Variants in QSOX1 observed in about 807,000 individuals in gnomAD.
QSOX1 encodes quiescin sulfhydryl oxidase 1.
QSOX1 carries 40 observed loss-of-function variants against 76.1 expected under a neutral mutation model. That is an observed-to-expected ratio of 0.53 (90% CI 0.41 to 0.68). The LOEUF is 0.68. Ranked by LOEUF, QSOX1 falls within the 30% of genes least tolerant of loss-of-function variation. The pLI is 0.00. For missense variants in QSOX1, 931 were observed against 974.3 expected (o/e 0.96, Z 0.59); for synonymous variants, 392 against 413.1 (o/e 0.95, Z 0.62).
intron 7 of QSOX1, among the ~76,000 whole-genome samples, chr1:180,184,756 C>T (rs1055075631): frequency 6.6e-6 from 1 of 152,142 alleles, no homozygotes; most frequent in African/African-American, 2.4e-5. Context: ...GTGCCCCTCA[C>T]AAGGGGATGC....
At chr1:180,189,531 T>G in intron 8 of QSOX1, 21 bp from the exon 9 acceptor site, 1 of 1,519,904 alleles carries the variant, frequency 6.6e-7, no homozygotes, top group Non-Finnish European at 8.9e-7. Context: ...CTCTCCAGCT[T>G]CCGCTTGTTC....
At chr1:180,187,642 G>GTCCCTGAGCTGGGCAGAGGCA (rs1370596668) in intron 8 of QSOX1, among the ~76,000 whole-genome samples, 1 of 152,250 alleles carries the variant, frequency 6.6e-6, no homozygotes, top group Non-Finnish European at 1.5e-5. Flanking sequence ...ATACAGAAAA[G>GTCCCTGAGCTGGGCAGAGGCA]TCCCTGAGCT....
rs1337249512 is a variant in QSOX1, at chr1:180,203,107, A to T, written c.*6070A>T. ...AAAATAAAAATAAAAAAATAAAGTA[A>T]AGCTACATATTTAAAAGCTGGGGAA... On this transcript the variant is annotated 3_prime_UTR_variant, in exon 12 of 12. Coordinates refer to ENST00000367602, the MANE Select transcript of QSOX1 (RefSeq NM_002826.5). 6.6e-6 allele frequency: 1 copy of T among 152,166 alleles called. No homozygotes were observed. Among genetic ancestry groups the T allele is most frequent in the African/African-American group, 2.4e-5 (1 of 41,432 alleles). 9.4% of individuals were successfully genotyped at this position (152,166 alleles called of 1,614,324 possible).
chr1:180,173,977 A>G (rs76955468), intron 2 of QSOX1, among the ~76,000 whole-genome samples: 3,255 of 152,214 alleles, frequency 0.021, 61 homozygotes, highest in Middle Eastern at 0.054. Flanking sequence ...CCAGTCCTTG[A>G]ACGAGGTCTG....
intron 10 of QSOX1, among the ~76,000 whole-genome samples, chr1:180,190,976 A>C (rs1451552665): frequency 1.3e-5 from 2 of 152,242 alleles, no homozygotes; most frequent in Non-Finnish European, 2.9e-5. Flanking sequence ...TAGCTGATAC[A>C]TAGCAGGTGC....
intron 4 of QSOX1, among the ~76,000 whole-genome samples, chr1:180,176,382 G>C (rs766518027): frequency 2.6e-5 from 4 of 152,226 alleles, no homozygotes; most frequent in Non-Finnish European, 4.4e-5. Flanking sequence ...TTTGCGGGAC[G>C]CAGCAGGATT....
chr1:180,181,289 C>T (rs933047464), intron 5 of QSOX1, among the ~76,000 whole-genome samples: 2 of 152,120 alleles, frequency 1.3e-5, no homozygotes, highest in Non-Finnish European at 1.5e-5. Context: ...AAGAGTGAGA[C>T]GTCAGTAACA....
chr1:180,187,670 C>G (rs12087182), intron 8 of QSOX1, among the ~76,000 whole-genome samples: 4,391 of 152,362 alleles, frequency 0.029, 129 homozygotes, highest in East Asian at 0.093. Flanking sequence ...GGCATCACCC[C>G]CTCTGTGCCT....
intron 5 of QSOX1, among the ~76,000 whole-genome samples, chr1:180,180,844 T>C (rs10913941): frequency 0.028 from 4,302 of 152,340 alleles, 111 homozygotes; most frequent in East Asian, 0.064. Context: ...TAAACACTTA[T>C]GTACCTACTA....
chr1:180,163,104 A>T (rs1662531733), intron 1 of QSOX1, among the ~76,000 whole-genome samples: 2 of 151,812 alleles, frequency 1.3e-5, no homozygotes, highest in South Asian at 4.1e-4. Flanking sequence ...CTGATTTTTC[A>T]TCAGTGTACT....
rs980242715 is a variant in QSOX1 at position 180,202,965 on chromosome 1, G to C, written c.*5928G>C. On this transcript the variant is annotated 3_prime_UTR_variant, in exon 12 of 12. Coordinates refer to ENST00000367602, the MANE Select transcript of QSOX1 (RefSeq NM_002826.5). Reference sequence around the variant, plus strand: ...ACACATCTGTAATCCCAGCTACTCAGGAGGCTGAGGCAGGAGAATCACTTG... The same window carrying C: ...ACACATCTGTAATCCCAGCTACTCACGAGGCTGAGGCAGGAGAATCACTTG... 6.6e-6 allele frequency: 1 copy of C among 152,218 alleles called. No individual in the cohort carries two copies. Among genetic ancestry groups the C allele is most frequent in the African/African-American group, 2.4e-5 (1 of 41,428 alleles). 9.4% of individuals were successfully genotyped at this position (152,218 alleles called of 1,614,324 possible).
rs1663596356 is a variant in QSOX1, at chr1:180,199,918, T to C, written c.*2881T>C. ...GCAGCGCCACCTTGGGCCAGGCTCCTCTCCAGCAGCCTTGGTATGGGGTGG... is the reference window on the plus strand; with the variant it reads ...GCAGCGCCACCTTGGGCCAGGCTCCCCTCCAGCAGCCTTGGTATGGGGTGG... On this transcript the variant is annotated 3_prime_UTR_variant, in exon 12 of 12. Coordinates refer to ENST00000367602, the MANE Select transcript of QSOX1 (RefSeq NM_002826.5). 2.1e-5 allele frequency: 3 copies of C among 144,190 alleles called. No individual in the cohort carries two copies. The South Asian group carries it at 7.1e-4, about 34-fold the overall frequency. 8.9% of individuals were successfully genotyped at this position (144,190 alleles called of 1,614,324 possible).
chr1:180,157,731 G>C (rs1662404311), intron 1 of QSOX1, among the ~76,000 whole-genome samples: 1 of 152,202 alleles, frequency 6.6e-6, no homozygotes, highest in Non-Finnish European at 1.5e-5. Context: ...TTGTCTCACT[G>C]TATGTTTTGG....
chr1:180,187,103 G>A lies in QSOX1; in HGVS notation c.1017+921G>A, dbSNP rs141772582. Among the ~76,000 whole-genome samples the A allele has an allele frequency of 8.1e-4, 123 of 152,270 alleles. 1 individual carries two copies. The Middle Eastern group carries it at 0.01, about 13-fold the overall frequency. On this transcript the variant is annotated intron_variant, in intron 8 of 11. Coordinates refer to ENST00000367602, the MANE Select transcript of QSOX1 (RefSeq NM_002826.5). ...TCTGCAGGAAGCTGGGGCTGCCCTC[G>A]GGTGATTTGTGCCTCTCCTTGGGAA...
At chr1:180,178,052 C>T (rs979327175) in intron 4 of QSOX1, among the ~76,000 whole-genome samples, 4 of 152,126 alleles carry the variant, frequency 2.6e-5, no homozygotes, top group African/African-American at 7.2e-5. Flanking sequence ...CCCCCTTGGT[C>T]GTGACTTGTC....
intron 5 of QSOX1, among the ~76,000 whole-genome samples, chr1:180,180,233 G>A (rs1021081432): frequency 6.6e-6 from 1 of 152,194 alleles, no homozygotes; most frequent in East Asian, 1.9e-4. Flanking sequence ...TTTGTGAGAC[G>A]GAGTTTCACT....
At position 180,199,492 on chromosome 1, in the gene QSOX1, CG is replaced by C. The variant is rs1663585511; in HGVS notation, c.*2456del. 6.6e-6 allele frequency: 1 copy of C among 151,966 alleles called. No individual in the cohort carries two copies. The highest frequency in any genetic ancestry group is 6.6e-5 in the Admixed American group (1 of 15,260). The allele number at this position is 151,966 out of a possible 1,614,324, so 9.4% of individuals were successfully genotyped here. On this transcript the variant is annotated 3_prime_UTR_variant, in exon 12 of 12. Transcript: ENST00000367602. The stretch of plus-strand genomic sequence containing the variant: ...GACAGTGGCATGGAGCTTTGAAAGA[CG>C]AGTAGGTGTTAGCAAGGAAATAAGG...
chr1:180,191,749 A>G (rs923999940), intron 10 of QSOX1, among the ~76,000 whole-genome samples: 3 of 152,188 alleles, frequency 2.0e-5, no homozygotes, highest in African/African-American at 7.2e-5. Context: ...GCTGGGACCC[A>G]TGTGGAGAGG....
At chr1:180,188,317 C>G (rs1329843692) in intron 8 of QSOX1, among the ~76,000 whole-genome samples, 1 of 152,250 alleles carries the variant, frequency 6.6e-6, no homozygotes, top group African/African-American at 2.4e-5. Flanking sequence ...CCCACCCGGC[C>G]TCTCCCAGCC....
Sources: allele counts gnomAD v4.1 joint callset (sites outside exome capture counted in the v4.1 genomes callset), GRCh38; gene constraint gnomAD v4.1.1; transcripts MANE v1.5; gene names NCBI Gene and HGNC (gene_info 2026-07-23, HGNC 2026-07-21).